Variants in WDR73 observed in about 807,000 individuals in gnomAD.
The protein encoded by WDR73 is integrator complex assembly factor WDR73.
A neutral mutation model predicts 38.2 loss-of-function variants in WDR73; 30 were observed. The ratio of observed to expected loss-of-function variants is 0.79; its 90% CI spans 0.59 to 1.06. WDR73 has a LOEUF of 1.06. Among genes scored for constraint, WDR73 ranks in the 50% least tolerant of loss-of-function variants. WDR73 has a pLI of 0.00. For missense variants in WDR73, 487 were observed against 467.0 expected, an observed-to-expected ratio of 1.04 and a Z score of -0.40; for synonymous variants, 197 against 176.0, an observed-to-expected ratio of 1.12 and a Z score of -0.94.
intron 3 of WDR73, among the ~76,000 whole-genome samples, 181 bp from the exon 4 acceptor site, chr15:84,648,806 C>T (rs1379785090): frequency 6.6e-6 from 1 of 152,204 alleles, no homozygotes; most frequent in East Asian, 1.9e-4. Context: ...CGTACAGCTT[C>T]CTTTTTCCTT....
chr15:84,649,412 G>A (rs1435284645), intron 3 of WDR73, among the ~76,000 whole-genome samples: 1 of 152,026 alleles, frequency 6.6e-6, no homozygotes, highest in Non-Finnish European at 1.5e-5. Flanking sequence ...AACACTAGGT[G>A]CTACCCTATA....
rs867878060 is a variant in WDR73 at position 84,643,055 on chromosome 15, G to C, written c.*415C>G. The C allele has an allele frequency of 5.8e-6, 1 of 173,790 alleles. No homozygotes were observed. The highest frequency in any genetic ancestry group is 2.4e-5 in the African/African-American group (1 of 41,660). The allele number at this position is 173,790 out of a possible 1,614,324, so 10.8% of individuals were successfully genotyped here. On this transcript the variant is annotated 3_prime_UTR_variant, in exon 8 of 8. Transcript: ENST00000434634. ...TCAAGAGGAGCAGAAATCCTGTTTTGCTATTTCCTTAATTGCTACTAGGGC... is the reference window on the plus strand; with the variant it reads ...TCAAGAGGAGCAGAAATCCTGTTTTCCTATTTCCTTAATTGCTACTAGGGC...
Position 84,643,566 on chromosome 15 carries a change from G to A in WDR73, c.1041C>T (p.His347=), listed in dbSNP as rs1172609619. Residue 347 remains histidine (H), a synonymous_variant, in exon 8 of 8, where the codon CAC becomes CAT. Coordinates refer to ENST00000434634, the MANE Select transcript of WDR73 (RefSeq NM_032856.5). ...GMDPAPLVTT[H]TWHPCRPRTL... is the part of the protein sequence containing the mutation. ...TCCTTGGTCTGCAGGGATGCCAGGT[G>A]TGGGTGGTGACCAAAGGAGCAGGGT... is the stretch of plus-strand genomic sequence containing the variant. 6.2e-7 allele frequency: 1 copy of A among 1,611,590 alleles called. No homozygotes were observed. Among genetic ancestry groups the A allele is most frequent in the Non-Finnish European group, 8.5e-7 (1 of 1,178,960 alleles).
chr15:84,644,341 T>A (rs1157494503), intron 7 of WDR73: 1 of 152,522 alleles, frequency 6.6e-6, no homozygotes, highest in Non-Finnish European at 1.5e-5. Flanking sequence ...CATTCCATCC[T>A]GCCATCTTCC....
chr15:84,652,855 C>T, intron 2 of WDR73, 53 bp from the exon 3 acceptor site: 2 of 1,081,656 alleles, frequency 1.8e-6, no homozygotes, highest in Non-Finnish European at 2.7e-6. Context: ...GATTGCAGAC[C>T]ATGCAATCCC....
chr15:84,653,485 A>G (rs1296100240), intron 2 of WDR73, 147 bp downstream of exon 2: 11 of 611,470 alleles, frequency 1.8e-5, no homozygotes, highest in Non-Finnish European at 3.0e-5. Context: ...TCTTAATAAG[A>G]GGAATATTAG....
chr15:84,641,043 A>G lies in WDR73; in HGVS notation c.*2427T>C, dbSNP rs182766752. The G allele has an allele frequency of 8.5e-5, 13 of 152,352 alleles. No individual in the cohort carries two copies. The East Asian group carries it at 2.5e-3, about 29-fold the overall frequency. The allele number at this position is 152,352 out of a possible 1,614,324, so 9.4% of individuals were successfully genotyped here. A position where few individuals can be genotyped will look rare whatever the true frequency, so the allele number is the denominator to read the frequency against. Reference sequence around the variant, plus strand: ...AGTCATTAAACTTTCTCTTCTGGGAACTAGACCTTCTTGAGAGGCACTATC... The same window carrying G: ...AGTCATTAAACTTTCTCTTCTGGGAGCTAGACCTTCTTGAGAGGCACTATC... On this transcript the variant is annotated 3_prime_UTR_variant, in exon 8 of 8. Coordinates refer to ENST00000434634, the MANE Select transcript of WDR73 (RefSeq NM_032856.5).
At position 84,642,694 on chromosome 15, in the gene WDR73, G is replaced by A. The variant is rs546505160; in HGVS notation, c.*776C>T. 1 of 152,172 alleles carries A rather than the reference G, an allele frequency of 6.6e-6. No individual in the cohort carries two copies. Among genetic ancestry groups the A allele is most frequent in the Non-Finnish European group, 1.5e-5 (1 of 68,072 alleles). The allele number at this position is 152,172 out of a possible 1,614,324, so 9.4% of individuals were successfully genotyped here. ...TGCTCAGGCTAGTCTCGAACTCCTGGACTCAAGTGATCCACCTGTCTTGGC... is the reference window on the plus strand; with the variant it reads ...TGCTCAGGCTAGTCTCGAACTCCTGAACTCAAGTGATCCACCTGTCTTGGC... On this transcript the variant is annotated 3_prime_UTR_variant, in exon 8 of 8. Coordinates refer to ENST00000434634, the MANE Select transcript of WDR73 (RefSeq NM_032856.5).
At chr15:84,653,604 C>G in intron 2 of WDR73, 28 bp downstream of exon 2, 3 of 1,551,554 alleles carry the variant, frequency 1.9e-6, no homozygotes, top group Non-Finnish European at 2.6e-6. Flanking sequence ...GAGATTCCCT[C>G]TCCTTCAGGG....
At chr15:84,648,868 C>T (rs953379972) in intron 3 of WDR73, among the ~76,000 whole-genome samples, 2 of 152,188 alleles carry the variant, frequency 1.3e-5, no homozygotes, top group Non-Finnish European at 2.9e-5. Flanking sequence ...TTTACTACAG[C>T]ACAAGCATTA....
At position 84,643,528 on chromosome 15, in the gene WDR73, G is replaced by C. The variant is rs1896334519; in HGVS notation, c.1079C>G (p.Ala360Gly). 1 of 1,597,616 alleles carries C rather than the reference G, an allele frequency of 6.3e-7. No homozygotes were observed. The highest frequency in any genetic ancestry group is 1.1e-5 in the South Asian group (1 of 88,354). ...CACATGCAGAGAGGCATCATTTGTT[G>C]CTGATAACAAAGTCCTTGGTCTGCA... ...HPCRPRTLLS[A>G]TNDASLHVWD... The change falls in exon 8 of 8, where the codon GCA becomes GGA. Residue 360 changes from alanine to glycine, a missense_variant. Coordinates refer to ENST00000434634, the MANE Select transcript of WDR73 (RefSeq NM_032856.5).
chr15:84,644,527 C>T (rs897253884), intron 7 of WDR73: 1 of 151,452 alleles, frequency 6.6e-6, no homozygotes, highest in Non-Finnish European at 1.5e-5. Flanking sequence ...AAGCAACTAG[C>T]TACCACCAGA....
In WDR73 at chr15:84,639,587, G is replaced by A. The variant is rs1896195982; in HGVS notation, c.*3883C>T. On this transcript the variant is annotated 3_prime_UTR_variant, in exon 8 of 8. Transcript: ENST00000434634. ...CACAGCATCTAGATCTTCAAATTCT[G>A]GAGAAAAAGAGAGTGTGAAAGACTG... The A allele has an allele frequency of 6.6e-6, 1 of 152,162 alleles. No individual in the cohort carries two copies. Among genetic ancestry groups the A allele is most frequent in the African/African-American group, 2.4e-5 (1 of 41,406 alleles). The allele number at this position is 152,162 out of a possible 1,614,324, so 9.4% of individuals were successfully genotyped here. A position where few individuals can be genotyped will look rare whatever the true frequency, so the allele number is the denominator to read the frequency against.
chr15:84,648,117 G>T, intron 4 of WDR73, 163 bp from the exon 5 acceptor site: 1 of 675,496 alleles, frequency 1.5e-6, no homozygotes, highest in Non-Finnish European at 2.7e-6. Flanking sequence ...TAAGGAGCAG[G>T]CTCAATCAAC....
In WDR73 at chr15:84,643,699, T is replaced by C. The variant is rs1405538415; in HGVS notation, c.908A>G (p.Tyr303Cys). The C allele has an allele frequency of 3.7e-6, 6 of 1,613,446 alleles. No individual in the cohort carries two copies. Among genetic ancestry groups the C allele is most frequent in the African/African-American group, 1.3e-5 (1 of 74,936 alleles). Residue 303 changes from tyrosine to cysteine, a missense_variant, in exon 8 of 8, where the codon TAT becomes TGT. Tyr to Cys is a radical substitution (Grantham distance 194, BLOSUM62 -2). Coordinates refer to ENST00000434634, the MANE Select transcript of WDR73 (RefSeq NM_032856.5). ...ISGFDGTVQV[Y>C]DATSWDGTRS... ...TGTTCCATCCCAAGATGTGGCATCATAGACCTGGACTGTACCATCAAAACC... is the reference window on the plus strand; with the variant it reads ...TGTTCCATCCCAAGATGTGGCATCACAGACCTGGACTGTACCATCAAAACC...
Position 84,643,172 on chromosome 15 carries a change from C to T in WDR73, c.*298G>A, listed in dbSNP as rs1282021340. On this transcript the variant is annotated 3_prime_UTR_variant, in exon 8 of 8. Transcript: ENST00000434634. ...TATATTTGTTAGCTCTTTTGATTCT[C>T]CCTATGATAGTGTGAAGACAGGGAC... The T allele has an allele frequency of 1.3e-5, 5 of 392,044 alleles. No individual in the cohort carries two copies. In the East Asian group the frequency reaches 2.3e-4, roughly 18 times the overall value. The allele number at this position is 392,044 out of a possible 1,614,324, so 24.3% of individuals were successfully genotyped here.
chr15:84,643,203 G>C lies in WDR73; in HGVS notation c.*267C>G. The stretch of plus-strand genomic sequence containing the variant: ...GATAGTGTGAAGACAGGGACAAAAC[G>C]CTACCATTTCACACTCCCAGATCTA... On this transcript the variant is annotated 3_prime_UTR_variant, in exon 8 of 8. Coordinates refer to ENST00000434634, the MANE Select transcript of WDR73 (RefSeq NM_032856.5). The C allele has an allele frequency of 2.1e-6, 1 of 471,070 alleles. No individual in the cohort carries two copies. Among genetic ancestry groups the C allele is most frequent in the Non-Finnish European group, 3.8e-6 (1 of 262,190 alleles). 29.2% of individuals were successfully genotyped at this position (471,070 alleles called of 1,614,324 possible). A position where few individuals can be genotyped will look rare whatever the true frequency, so the allele number is the denominator to read the frequency against.
At chr15:84,647,484 GCT>G (rs1204910388) in intron 5 of WDR73, 1 of 182,626 alleles carries the variant, frequency 5.5e-6, no homozygotes, top group Non-Finnish European at 1.2e-5. Flanking sequence ...TTCCCACCTG[GCT>G]CTGAGTCTAC....
At chr15:84,645,079 T>C (rs1308865412) in intron 7 of WDR73, 1 of 506,094 alleles carries the variant, frequency 2.0e-6, no homozygotes, top group Non-Finnish European at 2.8e-6. Flanking sequence ...GCCTCCTAAG[T>C]AGCTGGGACT....
Sources: gnomAD v4.1 joint callset for allele counts (sites outside exome capture counted in the v4.1 genomes callset) on GRCh38, gnomAD v4.1.1 for gene constraint, MANE v1.5 for transcripts, NCBI Gene and HGNC (gene_info 2026-07-23, HGNC 2026-07-21) for gene names.